Variants in ATG10 observed in about 807,000 individuals in gnomAD.
ATG10 encodes the protein ubiquitin-like-conjugating enzyme ATG10.
A neutral mutation model predicts 32.1 loss-of-function variants in ATG10; 30 were observed. The observed-to-expected ratio is 0.94, with a 90% CI of 0.70 to 1.27. The LOEUF is 1.27. Ranked by LOEUF, ATG10 falls within the 50% of genes most tolerant of loss-of-function variation. The probability of loss-of-function intolerance (pLI) is 0.00; values close to 1 mark genes in which losing one functional copy is unlikely to be tolerated. For synonymous variants in ATG10, 87 were observed against 91.5 expected (o/e 0.95, Z 0.28); for missense variants, 233 against 262.3 (o/e 0.89, Z 0.77).
At chr5:82,038,283 G>C (rs1163393595) in intron 2 of ATG10, among the ~76,000 whole-genome samples, 1 of 152,192 alleles carries the variant, frequency 6.6e-6, no homozygotes, top group African/African-American at 2.4e-5. Context: ...ATGAAATAAG[G>C]CAGTCCATTC....
At chr5:82,014,847 T>C (rs1762235154) in intron 2 of ATG10, among the ~76,000 whole-genome samples, 1 of 152,222 alleles carries the variant, frequency 6.6e-6, no homozygotes, top group Admixed American at 6.5e-5. Flanking sequence ...AATACTGTTA[T>C]GTGTGAATTT....
chr5:82,159,766 T>A (rs1201273846), intron 3 of ATG10, among the ~76,000 whole-genome samples: 2 of 152,122 alleles, frequency 1.3e-5, no homozygotes, highest in East Asian at 3.8e-4. Flanking sequence ...CTCTGTCATC[T>A]GTATTATTAG....
At chr5:82,238,513 C>T (rs1290504626) in intron 5 of ATG10, among the ~76,000 whole-genome samples, 1 of 151,982 alleles carries the variant, frequency 6.6e-6, no homozygotes, top group Non-Finnish European at 1.5e-5. Flanking sequence ...GACTGTAAAC[C>T]CCATGAATTA....
chr5:82,187,940 G>A (rs1402768730), intron 5 of ATG10, among the ~76,000 whole-genome samples: 1 of 152,076 alleles, frequency 6.6e-6, no homozygotes, highest in African/African-American at 2.4e-5. Context: ...GAGTGTTTGT[G>A]GAAAGTCCTA....
intron 3 of ATG10, among the ~76,000 whole-genome samples, chr5:82,156,244 C>A (rs1767794371): frequency 6.6e-6 from 1 of 151,872 alleles, no homozygotes; most frequent in East Asian, 1.9e-4. Context: ...GAATGAGTTT[C>A]CTGACTTTAT....
intron 2 of ATG10, among the ~76,000 whole-genome samples, chr5:82,055,630 C>T (rs1763569431): frequency 6.6e-6 from 1 of 152,128 alleles, no homozygotes; most frequent in South Asian, 2.1e-4. Context: ...AGTGCAGCTC[C>T]GTGTTCTCTG....
intron 3 of ATG10, among the ~76,000 whole-genome samples, chr5:82,120,096 C>G (rs1219928688): frequency 6.6e-6 from 1 of 151,950 alleles, no homozygotes; most frequent in African/African-American, 2.4e-5. Flanking sequence ...TCCTTTATGA[C>G]TGATGGACTT....
chr5:81,993,393 T>TTTTCTTTTTTTTTC (rs1487345532), intron 2 of ATG10, among the ~76,000 whole-genome samples: 1 of 105,604 alleles, frequency 9.5e-6, no homozygotes, highest in African/African-American at 4.1e-5. Context: ...CTTTTCTTTT[T>TTTTCTTTTTTTTTC]TTTTCTTTTC....
At chr5:82,021,394 A>G (rs1032933346) in intron 2 of ATG10, among the ~76,000 whole-genome samples, 1 of 152,200 alleles carries the variant, frequency 6.6e-6, no homozygotes, top group Non-Finnish European at 1.5e-5. Context: ...TGCAGATACT[A>G]AAGTCCCTGA....
intron 5 of ATG10, among the ~76,000 whole-genome samples, chr5:82,218,260 AT>A (rs2149989139): frequency 6.6e-6 from 1 of 152,158 alleles, no homozygotes; most frequent in East Asian, 1.9e-4. Flanking sequence ...ATCAGGGACC[AT>A]TTTTGCTTTC....
At chr5:82,190,136 G>A (rs1358723347) in intron 5 of ATG10, among the ~76,000 whole-genome samples, 2 of 152,048 alleles carry the variant, frequency 1.3e-5, no homozygotes, top group Non-Finnish European at 2.9e-5. Flanking sequence ...ATTTTGCGCT[G>A]TCTTCAAATA....
chr5:82,113,214 T>C (rs777287586), intron 3 of ATG10, among the ~76,000 whole-genome samples: 10 of 151,898 alleles, frequency 6.6e-5, no homozygotes, highest in Non-Finnish European at 1.3e-4. Context: ...TAGCACCAGA[T>C]TTATGATTTT....
intron 2 of ATG10, among the ~76,000 whole-genome samples, chr5:81,991,338 A>G (rs900566702): frequency 2.6e-5 from 4 of 152,016 alleles, no homozygotes; most frequent in Non-Finnish European, 4.4e-5. Context: ...AAATTGTTGT[A>G]TTGATGTATA....
rs78339251 is a variant in ATG10 at position 81,989,582 on chromosome 5, T to G, written c.108+1904T>G. ...TTTGTTCTTGGGTATATTTTATAGT[T>G]TTGTTTGCTATTATGTTTCAATTTT... On this transcript the variant is annotated intron_variant, in intron 2 of 7. Coordinates refer to ENST00000282185, the MANE Select transcript of ATG10 (RefSeq NM_031482.5). Among the ~76,000 whole-genome samples, 1,067 of 152,232 alleles carry G rather than the reference T, an allele frequency of 7.0e-3. 3 individuals are homozygous for G. The highest frequency in any genetic ancestry group is 0.011 in the Non-Finnish European group (769 of 68,014).
intron 3 of ATG10, among the ~76,000 whole-genome samples, chr5:82,098,545 G>A (rs1041661803): frequency 1.3e-5 from 2 of 151,956 alleles, no homozygotes; most frequent in East Asian, 1.9e-4. Flanking sequence ...TCCTGACCTC[G>A]TGATTCACCC....
At chr5:82,036,818 T>C (rs1429153157) in intron 2 of ATG10, among the ~76,000 whole-genome samples, 2 of 151,920 alleles carry the variant, frequency 1.3e-5, no homozygotes, top group Non-Finnish European at 2.9e-5. Context: ...GACATATAAC[T>C]CTCTTAATTA....
rs869311526 is a variant in ATG10, at chr5:82,100,000, G to GTTTTTTTTTTTTTTTTTTTTTTTT, written c.216+41401_216+41424dup. On this transcript the variant is annotated intron_variant, in intron 3 of 7. Transcript: ENST00000282185. ...CTGATTTCTTTCTTTCTTTTTCTGT[G>GTTTTTTTTTTTTTTTTTTTTTTTT]TTTTTTTTTTTTTTTTTTTTTTTTT... Among the ~76,000 whole-genome samples the GTTTTTTTTTTTTTTTTTTTTTTTT allele has an allele frequency of 2.2e-4, 13 of 58,940 alleles. 1 individual carries two copies. The highest frequency in any genetic ancestry group is 1.6e-3 in the South Asian group (2 of 1,260). The allele number at this position is 58,940 out of a possible 152,430, so 38.7% of individuals were successfully genotyped here.
At chr5:82,077,181 G>A (rs1351407997) in intron 3 of ATG10, among the ~76,000 whole-genome samples, 1 of 152,118 alleles carries the variant, frequency 6.6e-6, no homozygotes, top group African/African-American at 2.4e-5. Flanking sequence ...AAACTAGCCA[G>A]GCATAGTGGC....
intron 2 of ATG10, among the ~76,000 whole-genome samples, chr5:81,997,001 C>T (rs1289681130): frequency 6.6e-6 from 1 of 152,130 alleles, no homozygotes; most frequent in Non-Finnish European, 1.5e-5. Context: ...TCGTGTCTGC[C>T]AGCATCCCTC....
Sources: gnomAD v4.1 joint callset for allele counts (sites outside exome capture counted in the v4.1 genomes callset) on GRCh38, gnomAD v4.1.1 for gene constraint, MANE v1.5 for transcripts, NCBI Gene and HGNC (gene_info 2026-07-23, HGNC 2026-07-21) for gene names.